Variants in PSD3 observed in about 807,000 individuals in gnomAD.
The protein encoded by PSD3 is PH and SEC7 domain-containing protein 3.
Under a neutral mutation model 105.5 loss-of-function variants are expected in PSD3, and 49 were observed. The ratio of observed to expected loss-of-function variants is 0.46; its 90% CI spans 0.37 to 0.59. The LOEUF (loss-of-function observed/expected upper bound fraction) is 0.59. Ranked by LOEUF, PSD3 falls within the 20% of genes least tolerant of loss-of-function variation. The probability of loss-of-function intolerance (pLI) is 0.00; values close to 1 mark genes in which losing one functional copy is unlikely to be tolerated. For missense variants in PSD3, 1,561 were observed against 1,263.8 expected, an observed-to-expected ratio of 1.24 and a Z score of -3.57; for synonymous variants, 557 against 457.8, an observed-to-expected ratio of 1.22 and a Z score of -2.77.
intron 8 of PSD3, among the ~76,000 whole-genome samples, chr8:18,770,677 A>T (rs2129444261): frequency 6.6e-6 from 1 of 152,334 alleles, no homozygotes; most frequent in East Asian, 1.9e-4. Flanking sequence ...GAGGGGTGCC[A>T]GTGACCCCTG....
intron 9 of PSD3, among the ~76,000 whole-genome samples, chr8:18,739,487 G>C (rs534072077): frequency 6.6e-6 from 1 of 152,102 alleles, no homozygotes; most frequent in South Asian, 2.1e-4. Context: ...TTTATTATAG[G>C]GTTGAAAATA....
intron 4 of PSD3, among the ~76,000 whole-genome samples, chr8:18,839,677 C>T (rs1814445432): frequency 6.6e-6 from 1 of 152,120 alleles, no homozygotes; most frequent in Non-Finnish European, 1.5e-5. Context: ...TAGAACACAC[C>T]ACTCACCACC....
intron 4 of PSD3, among the ~76,000 whole-genome samples, chr8:18,838,027 C>T (rs1172724212): frequency 6.6e-6 from 1 of 152,116 alleles, no homozygotes; most frequent in Admixed American, 6.6e-5. Context: ...ACACAGCTCC[C>T]TAATTTCTCT....
In PSD3 at chr8:18,533,561, A is replaced by G. The variant is rs181724678; in HGVS notation, c.*2182T>C. The G allele has an allele frequency of 1.8e-4, 28 of 152,342 alleles. No homozygotes were observed. In the East Asian group the frequency reaches 5.2e-3, roughly 28 times the overall value. 9.4% of individuals were successfully genotyped at this position (152,342 alleles called of 1,614,324 possible). ...CAAGGTACCATTCAATGTATATTAA[A>G]TAAGTAAAATACATACAGACATTCT... On this transcript the variant is annotated 3_prime_UTR_variant, in exon 16 of 16. Transcript: ENST00000327040.
At chr8:18,837,382 A>T (rs1814200046) in intron 4 of PSD3, among the ~76,000 whole-genome samples, 3 of 152,170 alleles carry the variant, frequency 2.0e-5, no homozygotes, top group Admixed American at 1.3e-4. Flanking sequence ...AAATGCTTCC[A>T]AGTAAACGTC....
At chr8:18,880,203 TA>T (rs1243777272) in intron 2 of PSD3, among the ~76,000 whole-genome samples, 1 of 152,138 alleles carries the variant, frequency 6.6e-6, no homozygotes, top group African/African-American at 2.4e-5. Flanking sequence ...ATTATTTTTT[TA>T]AAAAAAGACC....
intron 11 of PSD3, among the ~76,000 whole-genome samples, chr8:18,618,489 A>C (rs930433947): frequency 2.0e-5 from 3 of 151,320 alleles, no homozygotes; most frequent in Non-Finnish European, 4.4e-5. Context: ...ATGATGGCAA[A>C]TGATGAAATT....
chr8:18,852,369 A>G (rs1038414281), intron 4 of PSD3, among the ~76,000 whole-genome samples: 1 of 152,154 alleles, frequency 6.6e-6, no homozygotes, highest in African/African-American at 2.4e-5. Flanking sequence ...AGGAATACAG[A>G]CAAGTCCTAA....
At chr8:18,974,620 A>C (rs1042691878) in intron 1 of PSD3, among the ~76,000 whole-genome samples, 13 of 151,826 alleles carry the variant, frequency 8.6e-5, no homozygotes, top group African/African-American at 3.1e-4. Context: ...TGGACCCTAC[A>C]TTCTAGTGCA....
intron 4 of PSD3, among the ~76,000 whole-genome samples, chr8:18,828,697 A>G (rs1813427752): frequency 6.6e-6 from 1 of 152,192 alleles, no homozygotes; most frequent in African/African-American, 2.4e-5. Flanking sequence ...GAGGTGGCTC[A>G]TGCCTGAAAT....
At chr8:18,660,422 T>C (rs895242632) in intron 9 of PSD3, among the ~76,000 whole-genome samples, 5 of 152,136 alleles carry the variant, frequency 3.3e-5, no homozygotes, top group African/African-American at 9.7e-5. Flanking sequence ...ACCAAGTTTG[T>C]GGTAATTTGT....
At chr8:18,837,011 T>C (rs1161713340) in intron 4 of PSD3, among the ~76,000 whole-genome samples, 1 of 152,028 alleles carries the variant, frequency 6.6e-6, no homozygotes, top group Non-Finnish European at 1.5e-5. Context: ...TGTTTCCGGT[T>C]TGATCTGATG....
chr8:18,760,287 T>C (rs2129442403), intron 9 of PSD3, among the ~76,000 whole-genome samples: 1 of 152,302 alleles, frequency 6.6e-6, no homozygotes, highest in South Asian at 2.1e-4. Context: ...TCTATTCTCC[T>C]AGTATTTTTC....
intron 9 of PSD3, among the ~76,000 whole-genome samples, chr8:18,685,219 T>A (rs58028621): frequency 0.01 from 1,591 of 152,272 alleles, 26 homozygotes; most frequent in African/African-American, 0.036. Flanking sequence ...CGCACTGGTG[T>A]TCTTGAGCAT....
chr8:18,723,789 A>C (rs533583207), intron 9 of PSD3, among the ~76,000 whole-genome samples: 1 of 152,346 alleles, frequency 6.6e-6, no homozygotes, highest in South Asian at 2.1e-4. Context: ...CATTTTAAGA[A>C]CACATTTTTA....
intron 10 of PSD3, among the ~76,000 whole-genome samples, chr8:18,635,423 A>G (rs568250750): frequency 6.6e-6 from 1 of 152,200 alleles, no homozygotes; most frequent in Admixed American, 6.5e-5. Flanking sequence ...ACAGCATACA[A>G]TATACAACCA....
rs146761720 is a variant in PSD3 at position 18,977,810 on chromosome 8, A to C, written c.21+35753T>G. ...TATTTATATTTTCTTCTTTTTACTT[A>C]TCCCTATTTTCTGATTTTCCTAAAA... On this transcript the variant is annotated intron_variant, in intron 1 of 15. Coordinates refer to ENST00000327040, the MANE Select transcript of PSD3 (RefSeq NM_015310.4). Among the ~76,000 whole-genome samples, 24 of 152,250 alleles carry C rather than the reference A, an allele frequency of 1.6e-4. No homozygotes were observed. In the East Asian group the frequency reaches 3.3e-3, roughly 21 times the overall value.
intron 1 of PSD3, among the ~76,000 whole-genome samples, chr8:19,032,378 C>T (rs949205770): frequency 1.3e-5 from 2 of 152,022 alleles, no homozygotes; most frequent in Non-Finnish European, 2.9e-5. Flanking sequence ...TGTGGTGGCT[C>T]ACTCCTGTAA....
intron 2 of PSD3, among the ~76,000 whole-genome samples, chr8:18,898,200 GTGTTTAAGTGCCCAACTATTACTGTCC>G (rs1332749048): frequency 1.3e-5 from 2 of 152,100 alleles, no homozygotes; most frequent in Non-Finnish European, 2.9e-5. Flanking sequence ...GCTTAGAGGG[GTGTTTAAGTGCCCAACTATTACTGTCC>G]TGTTTAAGTG....
Sources: allele counts gnomAD v4.1 joint callset (sites outside exome capture counted in the v4.1 genomes callset), GRCh38; gene constraint gnomAD v4.1.1; transcripts MANE v1.5; gene names NCBI Gene and HGNC (gene_info 2026-07-23, HGNC 2026-07-21).